The following KHDRBS3 variants were observed in gnomAD, a reference collection of about 807,000 sequenced individuals.
KHDRBS3 encodes the protein KH RNA binding domain containing, signal transduction associated 3.
A neutral mutation model predicts 45.6 loss-of-function variants in KHDRBS3; 23 were observed. That is an observed-to-expected ratio of 0.50 (90% CI 0.36 to 0.72). The LOEUF (loss-of-function observed/expected upper bound fraction) is 0.72. Ranked by LOEUF, KHDRBS3 falls within the 30% of genes least tolerant of loss-of-function variation. KHDRBS3 has a pLI of 0.00. For synonymous variants in KHDRBS3, 162 were observed against 156.5 expected, an observed-to-expected ratio of 1.04 and a Z score of -0.26; for missense variants, 352 against 424.8, an observed-to-expected ratio of 0.83 and a Z score of 1.51.
At chr8:135,568,588 G>C (rs1827543759) in intron 5 of KHDRBS3, among the ~76,000 whole-genome samples, 1 of 152,118 alleles carries the variant, frequency 6.6e-6, no homozygotes, top group Non-Finnish European at 1.5e-5. Flanking sequence ...AAGCCCAAAA[G>C]AAACTCTGAG....
At chr8:135,501,638 C>T (rs1779774103) in intron 1 of KHDRBS3, among the ~76,000 whole-genome samples, 1 of 151,852 alleles carries the variant, frequency 6.6e-6, no homozygotes, top group Non-Finnish European at 1.5e-5. Flanking sequence ...TAACTTTTTA[C>T]CAGTTATCCA....
chr8:135,623,309 CAGTA>C (rs1830224895), intron 7 of KHDRBS3, among the ~76,000 whole-genome samples: 1 of 152,160 alleles, frequency 6.6e-6, no homozygotes, highest in Non-Finnish European at 1.5e-5. Context: ...TAACAAGCTA[CAGTA>C]AAAATACTGA....
intron 1 of KHDRBS3, among the ~76,000 whole-genome samples, chr8:135,496,459 C>G (rs2130467218): frequency 6.6e-6 from 1 of 152,176 alleles, no homozygotes; most frequent in Non-Finnish European, 1.5e-5. Context: ...TCTCGAACTC[C>G]TGACCTCAGG....
At chr8:135,543,164 G>A (rs1346441015) in intron 3 of KHDRBS3, among the ~76,000 whole-genome samples, 4 of 151,860 alleles carry the variant, frequency 2.6e-5, no homozygotes, top group African/African-American at 9.7e-5. Flanking sequence ...TAATGTATAT[G>A]CTTTTATTTC....
chr8:135,496,398 A>C (rs28728096), intron 1 of KHDRBS3, among the ~76,000 whole-genome samples: 14,914 of 151,698 alleles, frequency 0.098, 1,350 homozygotes, highest in African/African-American at 0.24. Flanking sequence ...TCACCCGGCT[A>C]ATTTTTGTAT....
At chr8:135,626,787 C>G (rs1032526891) in intron 7 of KHDRBS3, among the ~76,000 whole-genome samples, 3 of 79,602 alleles carry the variant, frequency 3.8e-5, no homozygotes, top group Non-Finnish European at 5.9e-5. Flanking sequence ...CTGGGAGACA[C>G]AGCGAGACTC....
chr8:135,509,109 G>A (rs1230087722), intron 1 of KHDRBS3, among the ~76,000 whole-genome samples: 1 of 152,078 alleles, frequency 6.6e-6, no homozygotes, highest in Non-Finnish European at 1.5e-5. Context: ...CATTTATGAT[G>A]TTTTTATGTT....
chr8:135,492,419 T>C (rs1416463380), intron 1 of KHDRBS3, among the ~76,000 whole-genome samples: 4 of 151,772 alleles, frequency 2.6e-5, no homozygotes, highest in Non-Finnish European at 4.4e-5. Context: ...ATTAAAGAAA[T>C]TGGGAAGCAA....
chr8:135,650,549 A>G (rs953755296), downstream of KHDRBS3, among the ~76,000 whole-genome samples: 2 of 152,272 alleles, frequency 1.3e-5, no homozygotes, highest in African/African-American at 4.8e-5. Context: ...TTTAAGCTTC[A>G]GGAGGTGAAT....
chr8:135,516,429 A>G (rs1467608024), intron 1 of KHDRBS3, among the ~76,000 whole-genome samples: 1 of 152,240 alleles, frequency 6.6e-6, no homozygotes, highest in Non-Finnish European at 1.5e-5. Context: ...ATTACTAGGC[A>G]GTAGGAATTT....
intron 6 of KHDRBS3, among the ~76,000 whole-genome samples, chr8:135,582,662 T>G (rs1398544817): frequency 2.6e-5 from 4 of 152,226 alleles, no homozygotes; most frequent in Non-Finnish European, 2.9e-5. Context: ...TTCTTTGATG[T>G]CCTCATTTAC....
At chr8:135,511,362 G>A (rs1221812759) in intron 1 of KHDRBS3, among the ~76,000 whole-genome samples, 1 of 152,034 alleles carries the variant, frequency 6.6e-6, no homozygotes, top group Non-Finnish European at 1.5e-5. Context: ...TAGCCATGAT[G>A]GGTAGAATTA....
rs574419971 is a variant in KHDRBS3, at chr8:135,634,758, G to A, written c.891-10301G>A. Reference sequence around the variant, plus strand: ...GCTTTGTAGTCATGGTGTTATGTGAGATCTGAGACTAAGCAGTTGTGACAT... The same window carrying A: ...GCTTTGTAGTCATGGTGTTATGTGAAATCTGAGACTAAGCAGTTGTGACAT... On this transcript the variant is annotated intron_variant, in intron 7 of 8. Coordinates refer to ENST00000355849, the MANE Select transcript of KHDRBS3 (RefSeq NM_006558.3). 3.9e-5 allele frequency among the ~76,000 whole-genome samples: 6 copies of A among 152,322 alleles called. No individual in the cohort carries two copies. In the South Asian group the frequency reaches 1.2e-3, roughly 32 times the overall value.
At chr8:135,527,080 TA>T (rs1339502216) in intron 2 of KHDRBS3, among the ~76,000 whole-genome samples, 1 of 152,166 alleles carries the variant, frequency 6.6e-6, no homozygotes, top group Non-Finnish European at 1.5e-5. Flanking sequence ...GGTTTACATT[TA>T]TTTTTTTATT....
At chr8:135,558,168 G>A (rs1826983527) in intron 5 of KHDRBS3, among the ~76,000 whole-genome samples, 1 of 152,126 alleles carries the variant, frequency 6.6e-6, no homozygotes, top group African/African-American at 2.4e-5. Flanking sequence ...CATGCTTGTT[G>A]TAATTTTATT....
chr8:135,473,260 C>T (rs1822104335), intron 1 of KHDRBS3, among the ~76,000 whole-genome samples: 1 of 152,092 alleles, frequency 6.6e-6, no homozygotes, highest in Non-Finnish European at 1.5e-5. Flanking sequence ...CATTGGTGAC[C>T]ACGTGGCTTC....
intron 1 of KHDRBS3, among the ~76,000 whole-genome samples, chr8:135,492,142 A>G (rs1297590284): frequency 6.6e-5 from 10 of 152,160 alleles, no homozygotes; most frequent in Admixed American, 6.5e-4. Context: ...GAATGCTGAT[A>G]ATTGTTTGGC....
intron 6 of KHDRBS3, among the ~76,000 whole-genome samples, chr8:135,591,980 A>G (rs759034620): frequency 6.6e-6 from 1 of 152,226 alleles, no homozygotes; most frequent in Non-Finnish European, 1.5e-5. Flanking sequence ...AAGGTTATTT[A>G]TGAAAATGCA....
intron 7 of KHDRBS3, among the ~76,000 whole-genome samples, chr8:135,642,563 G>A (rs1831106335): frequency 6.6e-6 from 1 of 152,096 alleles, no homozygotes; most frequent in East Asian, 1.9e-4. Flanking sequence ...TTGCTACTTG[G>A]TATATTAGGT....
Sources: gnomAD v4.1 joint callset for allele counts (sites outside exome capture counted in the v4.1 genomes callset) on GRCh38, gnomAD v4.1.1 for gene constraint, MANE v1.5 for transcripts, NCBI Gene and HGNC (gene_info 2026-07-23, HGNC 2026-07-21) for gene names.